BICD1: variants seen among roughly 807,000 people sequenced by gnomAD.
BICD1 encodes BICD cargo adaptor 1.
A neutral mutation model predicts 92.5 loss-of-function variants in BICD1; 35 were observed. That is an observed-to-expected ratio of 0.38 (90% CI 0.29 to 0.50). BICD1 has a LOEUF of 0.50. Ranked by LOEUF, BICD1 falls within the 20% of genes least tolerant of loss-of-function variation. The pLI is 0.93. For missense variants in BICD1, 950 were observed against 1,189.8 expected, an observed-to-expected ratio of 0.80 and a Z score of 2.97; for synonymous variants, 429 against 465.1, an observed-to-expected ratio of 0.92 and a Z score of 1.00.
At chr12:32,195,511 C>T (rs552480562) in intron 1 of BICD1, among the ~76,000 whole-genome samples, 2 of 152,210 alleles carry the variant, frequency 1.3e-5, no homozygotes, top group South Asian at 4.2e-4. Context: ...ACAAGGGTGC[C>T]AAGAATACAC....
intron 1 of BICD1, among the ~76,000 whole-genome samples, chr12:32,171,732 G>A (rs1943944158): frequency 6.6e-6 from 1 of 152,126 alleles, no homozygotes; most frequent in Non-Finnish European, 1.5e-5. Flanking sequence ...TCAGGAGCTG[G>A]AGACCAGTCT....
chr12:32,214,133 C>T (rs1444079237), intron 1 of BICD1, among the ~76,000 whole-genome samples: 1 of 152,182 alleles, frequency 6.6e-6, no homozygotes, highest in African/African-American at 2.4e-5. Context: ...CCCCTTCAGA[C>T]AGGCTCCTGT....
chr12:32,364,677 G>GA (rs1565698603), intron 8 of BICD1, among the ~76,000 whole-genome samples: 2 of 152,232 alleles, frequency 1.3e-5, no homozygotes, highest in African/African-American at 2.4e-5. Flanking sequence ...TTGGCTAGGA[G>GA]CAGTGGCTCA....
intron 1 of BICD1, among the ~76,000 whole-genome samples, chr12:32,172,732 A>G (rs1943982163): frequency 6.6e-6 from 1 of 152,152 alleles, no homozygotes; most frequent in African/African-American, 2.4e-5. Flanking sequence ...TTGTTCATCC[A>G]TTCATTTGTG....
At chr12:32,136,996 A>G (rs1184633243) in intron 1 of BICD1, among the ~76,000 whole-genome samples, 1 of 152,204 alleles carries the variant, frequency 6.6e-6, no homozygotes, top group African/African-American at 2.4e-5. Flanking sequence ...GGCCATTAAT[A>G]CCTGGAGCTA....
At chr12:32,246,998 C>T (rs1404208896) in intron 2 of BICD1, among the ~76,000 whole-genome samples, 1 of 152,036 alleles carries the variant, frequency 6.6e-6, no homozygotes, top group Non-Finnish European at 1.5e-5. Flanking sequence ...TGGCTCACAC[C>T]TGTAATCTAG....
chr12:32,381,021 A>G lies in BICD1; in HGVS notation c.*3394A>G, dbSNP rs1420008979. 6.6e-6 allele frequency: 1 copy of G among 152,126 alleles called. No homozygotes were observed. The highest frequency in any genetic ancestry group is 1.5e-5 in the Non-Finnish European group (1 of 67,980). The allele number at this position is 152,126 out of a possible 1,614,324, so 9.4% of individuals were successfully genotyped here. ...GAATATCATTGGTGGTCTAGTAAGTATTAAGTGGCAAGATAGGAGAATGCA... is the reference window on the plus strand; with the variant it reads ...GAATATCATTGGTGGTCTAGTAAGTGTTAAGTGGCAAGATAGGAGAATGCA... On this transcript the variant is annotated 3_prime_UTR_variant, in exon 10 of 10. Transcript: ENST00000652176.
At chr12:32,304,061 G>A (rs541977595) in intron 3 of BICD1, among the ~76,000 whole-genome samples, 3 of 150,188 alleles carry the variant, frequency 2.0e-5, no homozygotes, top group African/African-American at 2.5e-5. Context: ...GCGACAGAGC[G>A]AGACTCCGTC....
chr12:32,170,799 A>G (rs961885624), intron 1 of BICD1, among the ~76,000 whole-genome samples: 1 of 152,118 alleles, frequency 6.6e-6, no homozygotes, highest in Non-Finnish European at 1.5e-5. Context: ...TTTGGTCACA[A>G]CTGAGGTGGG....
chr12:32,229,901 T>C (rs996194265), intron 2 of BICD1, among the ~76,000 whole-genome samples: 2 of 152,120 alleles, frequency 1.3e-5, no homozygotes, highest in African/African-American at 4.8e-5. Flanking sequence ...CCTAGAGCAA[T>C]TGATTTCCTT....
intron 2 of BICD1, among the ~76,000 whole-genome samples, chr12:32,274,699 T>C (rs1592595229): frequency 1.3e-5 from 2 of 152,326 alleles, no homozygotes; most frequent in African/African-American, 2.4e-5. Flanking sequence ...TGATTAGCAT[T>C]AGCCACCCCA....
intron 1 of BICD1, among the ~76,000 whole-genome samples, chr12:32,212,613 G>T (rs996057783): frequency 1.3e-5 from 2 of 152,108 alleles, no homozygotes; most frequent in Non-Finnish European, 2.9e-5. Context: ...TAACAGAGAC[G>T]GGGTTTTGCC....
chr12:32,117,461 T>A (rs937339163), intron 1 of BICD1, among the ~76,000 whole-genome samples: 1 of 152,080 alleles, frequency 6.6e-6, no homozygotes, highest in Non-Finnish European at 1.5e-5. Context: ...AAAACTTTAT[T>A]TTGATTTATG....
At chr12:32,267,623 T>C (rs1309252064) in intron 2 of BICD1, among the ~76,000 whole-genome samples, 2 of 151,462 alleles carry the variant, frequency 1.3e-5, no homozygotes, top group African/African-American at 4.8e-5. Flanking sequence ...ATTAAGCTAT[T>C]TTTTTGTTTC....
chr12:32,291,562 T>A (rs1378588650), intron 2 of BICD1, among the ~76,000 whole-genome samples: 2 of 149,614 alleles, frequency 1.3e-5, no homozygotes, highest in Admixed American at 6.7e-5. Flanking sequence ...TTTGTAGAAG[T>A]CTGGGCACAG....
chr12:32,155,625 C>T (rs1241298910), intron 1 of BICD1, among the ~76,000 whole-genome samples: 1 of 152,090 alleles, frequency 6.6e-6, no homozygotes, highest in Non-Finnish European at 1.5e-5. Flanking sequence ...AATAGCAAAG[C>T]AGCTGCACCT....
At chr12:32,303,068 G>A (rs1948106232) in intron 3 of BICD1, among the ~76,000 whole-genome samples, 1 of 151,210 alleles carries the variant, frequency 6.6e-6, no homozygotes, top group African/African-American at 2.4e-5. Context: ...CCGAATAGCT[G>A]GGACTATAGG....
intron 1 of BICD1, among the ~76,000 whole-genome samples, chr12:32,158,014 A>C (rs1035217412): frequency 2.6e-5 from 4 of 152,136 alleles, no homozygotes; most frequent in African/African-American, 9.7e-5. Flanking sequence ...TTAAGAATTA[A>C]ATGAGGCTGG....
chr12:32,326,995 G>A (rs73295863), intron 4 of BICD1, among the ~76,000 whole-genome samples: 3,196 of 152,244 alleles, frequency 0.021, 92 homozygotes, highest in African/African-American at 0.071. Flanking sequence ...AAAGCCTTAG[G>A]TTTTAAACCT....
Sources: allele counts gnomAD v4.1 joint callset (sites outside exome capture counted in the v4.1 genomes callset), GRCh38; gene constraint gnomAD v4.1.1; transcripts MANE v1.5; gene names NCBI Gene and HGNC (gene_info 2026-07-23, HGNC 2026-07-21).